Variants in VWF observed in about 807,000 individuals in gnomAD.
VWF encodes the protein Factor VIII related antigen.
Under a neutral mutation model 308.6 loss-of-function variants are expected in VWF, and 176 were observed. That is an observed-to-expected ratio of 0.57 (90% confidence interval 0.50 to 0.65). The LOEUF (loss-of-function observed/expected upper bound fraction) is 0.65, where lower values mean the gene tolerates loss of function less well. Among genes scored for constraint, VWF ranks in the 30% least tolerant of loss-of-function variants. The probability of loss-of-function intolerance (pLI) is 0.00; values close to 1 mark genes in which losing one functional copy is unlikely to be tolerated. For missense variants in VWF, 3,146 were observed against 3,648.2 expected, an observed-to-expected ratio of 0.86 and a Z score of 3.55; for synonymous variants, 1,385 against 1,443.4, an observed-to-expected ratio of 0.96 and a Z score of 0.92.
chr12:6,087,233 A>G (rs898737454), intron 6 of VWF, among the ~76,000 whole-genome samples: 1 of 152,006 alleles, frequency 6.6e-6, no homozygotes, highest in Non-Finnish European at 1.5e-5. Context: ...ACAGGGCTTT[A>G]GCTTCGAACG....
At chr12:6,038,987 T>C (rs1944367934) in intron 18 of VWF, among the ~76,000 whole-genome samples, 1 of 152,120 alleles carries the variant, frequency 6.6e-6, no homozygotes, top group South Asian at 2.1e-4. Context: ...TAGATAGGCC[T>C]GGAAATAAAG....
At chr12:6,016,710 G>C in intron 29 of VWF, 44 bp downstream of exon 29, 1 of 1,614,258 alleles carries the variant, frequency 6.2e-7, no homozygotes, top group Non-Finnish European at 8.5e-7. Flanking sequence ...GCCACAAAAA[G>C]AGCCTCTTCG....
In VWF at chr12:6,075,415, C is replaced by T; in HGVS notation, c.794G>A (p.Cys265Tyr). 1 of 1,614,170 alleles carries T rather than the reference C, an allele frequency of 6.2e-7. No individual in the cohort carries two copies. The highest frequency in any genetic ancestry group is 8.5e-7 in the Non-Finnish European group (1 of 1,180,024). ...CCGGGCGTACTCCAGGAGGGCAGGG[C>T]AGGCGCACTCCAGCCCCCCAGCACA... ...CECAGGLECA[C>Y]PALLEYARTC... Residue 265 changes from cysteine to tyrosine, a missense_variant, in exon 7 of 52, where the codon TGC becomes TAC. This residue lies in a region of VWF where 1,304 missense variants were observed against 1,353.0 expected (regional missense o/e 0.96). Transcript: ENST00000261405. This position sits in a 1 kb window ranked among gnomAD's most constrained non-coding sequence, Gnocchi z 4.7.
chr12:5,964,250 G>GCATACATACATACATA (rs202210763), intron 47 of VWF, among the ~76,000 whole-genome samples: 31 of 122,380 alleles, frequency 2.5e-4, no homozygotes, highest in Admixed American at 1.1e-3. Flanking sequence ...ATACATACAT[G>GCATACATACATACATA]CATACATACA....
At chr12:6,037,372 A>G (rs1944348460) in intron 18 of VWF, among the ~76,000 whole-genome samples, 1 of 152,132 alleles carries the variant, frequency 6.6e-6, no homozygotes, top group Non-Finnish European at 1.5e-5. Flanking sequence ...TCAGAACTAG[A>G]GTCTGGGGGC....
intron 11 of VWF, among the ~76,000 whole-genome samples, chr12:6,064,622 T>C (rs895809377): frequency 6.6e-6 from 1 of 152,208 alleles, no homozygotes; most frequent in South Asian, 2.1e-4. Context: ...CAGTCTCTTA[T>C]AAAGAACCAT....
chr12:6,075,219 G>A lies in VWF; in HGVS notation c.874+116C>T, dbSNP rs1436301405. The A allele has an allele frequency of 6.8e-6, 9 of 1,321,532 alleles. No individual in the cohort carries two copies. Among genetic ancestry groups the A allele is most frequent in the Admixed American group, 1.8e-5 (1 of 55,484 alleles). The allele number at this position is 1,321,532 out of a possible 1,614,324, so 81.9% of individuals were successfully genotyped here. ...CACGTGGCTTTGTAGTCACTGGCTG[G>A]CTGGGTGTGGTAAAGCCGCACATAC... On this transcript the variant is annotated intron_variant, in intron 7 of 51. Transcript: ENST00000261405. This position sits in a 1 kb window ranked among gnomAD's most constrained non-coding sequence, Gnocchi z 4.7.
In VWF at chr12:6,024,549, C is replaced by A. The variant is rs184882179; in HGVS notation, c.3223-762G>T. ...AGTCCTCAGAGACCGAAAATCACTG[C>A]ATAGATAGAAAGAGAATTGAGATCC... is the stretch of plus-strand genomic sequence containing the variant. On this transcript the variant is annotated intron_variant, in intron 24 of 51. Coordinates refer to ENST00000261405, the MANE Select transcript of VWF (RefSeq NM_000552.5). The surrounding 1 kb of genome is among the most constrained non-coding windows in gnomAD (Gnocchi z 4.0). Among the ~76,000 whole-genome samples, 13 of 152,332 alleles carry A rather than the reference C, an allele frequency of 8.5e-5. No individual in the cohort carries two copies. The highest frequency in any genetic ancestry group is 8.5e-4 in the Admixed American group (13 of 15,300).
chr12:5,979,586 C>T, intron 42 of VWF, among the ~76,000 whole-genome samples: 1 of 150,844 alleles, frequency 6.6e-6, no homozygotes, highest in Non-Finnish European at 1.5e-5. Context: ...CCCGTCTCTA[C>T]TAATAATACA....
rs903367622 is a variant in VWF at position 6,063,352 on chromosome 12, G to A, written c.1433-298C>T. Among the ~76,000 whole-genome samples the A allele has an allele frequency of 3.3e-5, 5 of 152,142 alleles. No individual in the cohort carries two copies. Among genetic ancestry groups the A allele is most frequent in the Admixed American group, 2.0e-4 (3 of 15,282 alleles). ...GAGGCTCCTGCATCCTGGGCTGTAGGCAGGTGCCCTGGAGCAGAGGGGGAT... is the reference window on the plus strand; with the variant it reads ...GAGGCTCCTGCATCCTGGGCTGTAGACAGGTGCCCTGGAGCAGAGGGGGAT... On this transcript the variant is annotated intron_variant, in intron 12 of 51. Transcript: ENST00000261405. This position sits in a 1 kb window ranked among gnomAD's most constrained non-coding sequence, Gnocchi z 4.9.
intron 34 of VWF, among the ~76,000 whole-genome samples, chr12:5,998,983 A>G (rs546909148): frequency 6.6e-6 from 1 of 152,312 alleles, no homozygotes; most frequent in East Asian, 1.9e-4. Context: ...TTGACCTCCC[A>G]AAGTGCTGGG....
At chr12:6,086,146 G>C (rs1455081692) in intron 6 of VWF, among the ~76,000 whole-genome samples, 1 of 152,176 alleles carries the variant, frequency 6.6e-6, no homozygotes, top group East Asian at 1.9e-4. Context: ...GGAAGACTGA[G>C]AGGCAGAGTA....
At chr12:5,979,267 T>A (rs1943566309) in intron 42 of VWF, among the ~76,000 whole-genome samples, 1 of 152,234 alleles carries the variant, frequency 6.6e-6, no homozygotes, top group Non-Finnish European at 1.5e-5. Context: ...TACGGGAGAA[T>A]TCCAGTTAAT....
chr12:6,022,038 G>T lies in VWF; in HGVS notation c.3539-3C>A, dbSNP rs1271720803. ...CAAAAGCTCATCCAGGATTTTCCCT[G>T]CAAAAGAAAGCTCTCATTAGGAACC... On this transcript the variant is annotated splice_region_variant and splice_polypyrimidine_tract_variant and intron_variant, in intron 26 of 51. Coordinates refer to ENST00000261405, the MANE Select transcript of VWF (RefSeq NM_000552.5). 2.5e-6 allele frequency: 4 copies of T among 1,614,088 alleles called. No homozygotes were observed. Among genetic ancestry groups the T allele is most frequent in the Non-Finnish European group, 3.4e-6 (4 of 1,180,002 alleles).
At chr12:6,085,656 G>C (rs1251347892) in intron 6 of VWF, among the ~76,000 whole-genome samples, 1 of 140,062 alleles carries the variant, frequency 7.1e-6, no homozygotes, top group Non-Finnish European at 1.5e-5. Flanking sequence ...AAAAAGCCAA[G>C]TTCCAATGAG....
chr12:6,066,346 C>A (rs1000556330), intron 10 of VWF, among the ~76,000 whole-genome samples: 2 of 152,252 alleles, frequency 1.3e-5, no homozygotes, highest in African/African-American at 4.8e-5. Context: ...CCTTCCCAAC[C>A]TGCCCTATAT....
Position 5,993,879 on chromosome 12 carries a change from C to T in VWF, c.6581G>A (p.Arg2194Lys). ...CRTNGVCVDW[R>K]TPDFCAMSCP... ...AGACTCACCACAGAAATCAGGTGTC[C>T]TCCAGTCAACGCAGACCCCGTTGGT... The change falls in exon 37 of 52, where the codon AGG becomes AAG. Residue 2194 changes from arginine (R) to lysine (K), a missense_variant. Physicochemically the swap from Arg to Lys is conservative, Grantham distance 26. Around this residue, in one of 3 missense-constraint regions of VWF, gnomAD observed 989 missense variants for 1,117.4 expected, o/e 0.89. Transcript: ENST00000261405. The T allele has an allele frequency of 6.2e-7, 1 of 1,613,388 alleles. No homozygotes were observed. Among genetic ancestry groups the T allele is most frequent in the Non-Finnish European group, 8.5e-7 (1 of 1,179,912 alleles).
In VWF at chr12:5,949,324, C is replaced by T. The variant is rs113233341; in HGVS notation, c.8254-121G>A. On this transcript the variant is annotated intron_variant, in intron 51 of 51. Transcript: ENST00000261405. Reference sequence around the variant, plus strand: ...CCAAGCAAGGCAGGTCTGATCTCACCCAGAAGCACCCAGGACAGCTAGGCA... The same window carrying T: ...CCAAGCAAGGCAGGTCTGATCTCACTCAGAAGCACCCAGGACAGCTAGGCA... 18 of 945,830 alleles carry T rather than the reference C, an allele frequency of 1.9e-5. 1 individual carries two copies. In the African/African-American group the frequency reaches 2.4e-4, roughly 13 times the overall value. 58.6% of individuals were successfully genotyped at this position (945,830 alleles called of 1,614,324 possible).
At position 5,964,085 on chromosome 12, in the gene VWF, T is replaced by C. The variant is rs565841886; in HGVS notation, c.7887+3401A>G. On this transcript the variant is annotated intron_variant, in intron 47 of 51. Transcript: ENST00000261405. ...GAAAAAAATTAGCTGGGCATGGCGG[T>C]GGGCGCCTGTAGTCCCAGCTACTCA... is the stretch of plus-strand genomic sequence containing the variant. Among the ~76,000 whole-genome samples, 670 of 151,918 alleles carry C rather than the reference T, an allele frequency of 4.4e-3. 5 individuals are homozygous for C. Among genetic ancestry groups the C allele is most frequent in the African/African-American group, 0.014 (598 of 41,454 alleles).
Sources: allele counts gnomAD v4.1 joint callset (sites outside exome capture counted in the v4.1 genomes callset), GRCh38; gene constraint gnomAD v4.1.1; regional missense constraint gnomAD v4.1.1; non-coding constraint Gnocchi (gnomAD v3.1); transcripts MANE v1.5; gene names NCBI Gene and HGNC (gene_info 2026-07-23, HGNC 2026-07-21).